Variants in LMNTD1 observed in about 807,000 individuals in gnomAD.
The protein encoded by LMNTD1 is lamin tail domain-containing protein 1.
In LMNTD1, 35 loss-of-function variants were observed where a neutral mutation model predicts 50.9. That is an observed-to-expected ratio of 0.69 (90% CI 0.53 to 0.91). The LOEUF is 0.91. Among genes scored for constraint, LMNTD1 ranks in the 40% least tolerant of loss-of-function variants. The pLI, the probability that LMNTD1 is intolerant of heterozygous loss-of-function variation, is 0.00. For synonymous variants in LMNTD1, 153 were observed against 161.9 expected, an observed-to-expected ratio of 0.94 and a Z score of 0.42; for missense variants, 470 against 475.5, an observed-to-expected ratio of 0.99 and a Z score of 0.11.
intron 9 of LMNTD1, among the ~76,000 whole-genome samples, chr12:25,502,487 A>G (rs1188989860): frequency 6.6e-6 from 1 of 152,228 alleles, no homozygotes; most frequent in Non-Finnish European, 1.5e-5. Flanking sequence ...CTAGGAGCCA[A>G]ATCTGAATTC....
intron 1 of LMNTD1, among the ~76,000 whole-genome samples, chr12:25,580,819 T>C (rs1010979743): frequency 2.6e-5 from 4 of 152,146 alleles, no homozygotes; most frequent in East Asian, 1.9e-4. Context: ...AAACCGGAAA[T>C]TGAATTGAGA....
At chr12:25,613,054 T>C (rs1003030266) in intron 1 of LMNTD1, among the ~76,000 whole-genome samples, 1 of 152,120 alleles carries the variant, frequency 6.6e-6, no homozygotes, top group Admixed American at 6.6e-5. Flanking sequence ...TATAGGAGAA[T>C]GCAGTGAAAG....
At chr12:25,601,047 C>G (rs978426224) in intron 1 of LMNTD1, among the ~76,000 whole-genome samples, 2 of 151,914 alleles carry the variant, frequency 1.3e-5, no homozygotes, top group African/African-American at 2.4e-5. Flanking sequence ...TGGAAGCAAC[C>G]TAAGTATCCA....
chr12:25,588,768 A>G (rs1021112864), intron 1 of LMNTD1, among the ~76,000 whole-genome samples: 4 of 152,234 alleles, frequency 2.6e-5, no homozygotes, highest in Admixed American at 1.3e-4. Flanking sequence ...TATTTTTGCA[A>G]ATTATTTCAC....
intron 1 of LMNTD1, among the ~76,000 whole-genome samples, chr12:25,570,781 C>A (rs937562681): frequency 1.3e-5 from 2 of 152,132 alleles, no homozygotes; most frequent in Admixed American, 6.5e-5. Flanking sequence ...TTTTGCTAGC[C>A]CACTCCATTC....
chr12:25,614,656 T>C lies in LMNTD1; in HGVS notation c.58+33838A>G, dbSNP rs183405922. Among the ~76,000 whole-genome samples the C allele has an allele frequency of 1.5e-3, 233 of 152,328 alleles. 1 individual carries two copies. The highest frequency in any genetic ancestry group is 5.2e-3 in the African/African-American group (217 of 41,580). On this transcript the variant is annotated intron_variant, in intron 1 of 7. Transcript: ENST00000445693. ...CTGCGGTAGAACAGACTTGGCAGATTGCAGAGTCTAGCACCTTGGGAGACA... is the reference window on the plus strand; with the variant it reads ...CTGCGGTAGAACAGACTTGGCAGATCGCAGAGTCTAGCACCTTGGGAGACA...
At chr12:25,555,630 T>C (rs1295293664), upstream of LMNTD1, among the ~76,000 whole-genome samples, 1 of 152,186 alleles carries the variant, frequency 6.6e-6, no homozygotes, top group Non-Finnish European at 1.5e-5. Flanking sequence ...TAGTGATACA[T>C]ACTAAAACAT....
chr12:25,498,679 G>A (rs2135930625), intron 9 of LMNTD1, among the ~76,000 whole-genome samples: 1 of 152,292 alleles, frequency 6.6e-6, no homozygotes, highest in Admixed American at 6.5e-5. Flanking sequence ...TTTCTCAACT[G>A]CTTAGAAAAC....
At chr12:25,527,681 T>TATATACAC (rs1463259109) in intron 4 of LMNTD1, among the ~76,000 whole-genome samples, 15 of 32,320 alleles carry the variant, frequency 4.6e-4, no homozygotes, top group African/African-American at 1.1e-3. Context: ...TATATATATA[T>TATATACAC]ACACACACAC....
rs970520899 is a variant in LMNTD1 at position 25,519,880 on chromosome 12, G to C, written c.994C>G (p.Gln332Glu). 1.9e-6 allele frequency: 3 copies of C among 1,610,564 alleles called. No homozygotes were observed. In the African/African-American group the frequency reaches 4.0e-5, roughly 22 times the overall value. The change falls in exon 7 of 10, where the codon CAA (glutamine) becomes GAA (glutamate). Residue 332 changes from glutamine (Q) to glutamate (E), a missense_variant. Gln to Glu is a conservative substitution (Grantham distance 29, BLOSUM62 2). Coordinates refer to ENST00000458174, the MANE Select transcript of LMNTD1 (RefSeq NM_001145728.2). Reference sequence around the variant, plus strand: ...TACCTCTTAAGAAGAACTTGAGCTTGTTCCACCTGATAATTTGAGATATCT... The same window carrying C: ...TACCTCTTAAGAAGAACTTGAGCTTCTTCCACCTGATAATTTGAGATATCT... The part of the protein sequence containing the change: ...KKDISNYQVE[Q>E]AQVLLKREKE...
At chr12:25,506,366 G>C (rs1006779588) in intron 8 of LMNTD1, among the ~76,000 whole-genome samples, 1 of 152,162 alleles carries the variant, frequency 6.6e-6, no homozygotes. Flanking sequence ...GAATTCCACT[G>C]CAGTATATGA....
At chr12:25,560,417 C>G (rs980355417) in intron 1 of LMNTD1, among the ~76,000 whole-genome samples, 2 of 152,150 alleles carry the variant, frequency 1.3e-5, no homozygotes, top group African/African-American at 4.8e-5. Context: ...TGTTTTGGTA[C>G]CAGTACCATG....
chr12:25,549,279 T>C (rs758092258), intron 3 of LMNTD1, 47 bp downstream of exon 3: 2 of 1,049,046 alleles, frequency 1.9e-6, no homozygotes, highest in South Asian at 1.5e-5. Context: ...TATTGAAATA[T>C]AAGCTTTAAA....
At chr12:25,643,759 A>G (rs991985847) in intron 1 of LMNTD1, among the ~76,000 whole-genome samples, 2 of 152,326 alleles carry the variant, frequency 1.3e-5, no homozygotes, top group East Asian at 1.9e-4. Flanking sequence ...GCTGTTGGAC[A>G]GGATCCTGAT....
At chr12:25,487,486 G>A (rs1938693791) in intron 9 of LMNTD1, among the ~76,000 whole-genome samples, 1 of 140,764 alleles carries the variant, frequency 7.1e-6, no homozygotes, top group Non-Finnish European at 1.5e-5. Flanking sequence ...CCATTTGCTT[G>A]GTAGATCTTC....
At chr12:25,580,781 G>T (rs1003586636) in intron 1 of LMNTD1, among the ~76,000 whole-genome samples, 1 of 152,154 alleles carries the variant, frequency 6.6e-6, no homozygotes, top group African/African-American at 2.4e-5. Flanking sequence ...GAACCTGGGT[G>T]GGAAAATCCT....
chr12:25,558,060 T>C (rs1944114001), upstream of LMNTD1, among the ~76,000 whole-genome samples: 2 of 152,238 alleles, frequency 1.3e-5, no homozygotes, highest in African/African-American at 4.8e-5. Context: ...GTTTAAAATA[T>C]GTAAAAATTT....
intron 1 of LMNTD1, among the ~76,000 whole-genome samples, chr12:25,583,701 G>T (rs1474374477): frequency 1.3e-5 from 2 of 152,184 alleles, no homozygotes; most frequent in African/African-American, 2.4e-5. Flanking sequence ...ATAGGACCTG[G>T]CAAAGAGCCT....
chr12:25,555,965 C>CTT (rs71065954), upstream of LMNTD1, among the ~76,000 whole-genome samples: 91 of 69,470 alleles, frequency 1.3e-3, 3 homozygotes, highest in African/African-American at 3.6e-3. Flanking sequence ...GTGCAATAAT[C>CTT]TTTTTTTTTT....
Sources: allele counts gnomAD v4.1 joint callset (sites outside exome capture counted in the v4.1 genomes callset), GRCh38; gene constraint gnomAD v4.1.1; transcripts MANE v1.5; gene names NCBI Gene and HGNC (gene_info 2026-07-23, HGNC 2026-07-21).